ALG11: variants seen among roughly 807,000 people sequenced by gnomAD.
The protein encoded by ALG11 is GDP-Man:Man(3)GlcNAc(2)-PP-Dol alpha-1,2-mannosyltransferase.
Under a neutral mutation model 38.8 loss-of-function variants are expected in ALG11, and 26 were observed. That is an observed-to-expected ratio of 0.67 (90% CI 0.49 to 0.93). The LOEUF (loss-of-function observed/expected upper bound fraction) is 0.93. Ranked by LOEUF, ALG11 falls within the 40% of genes least tolerant of loss-of-function variation. The pLI is 0.00. For synonymous variants in ALG11, 199 were observed against 211.6 expected, an observed-to-expected ratio of 0.94 and a Z score of 0.52; for missense variants, 535 against 578.8, an observed-to-expected ratio of 0.92 and a Z score of 0.78.
At position 52,028,905 on chromosome 13, in the gene ALG11, G is replaced by A; in HGVS notation, c.*315G>A. ...CCCTTGAGTGAAAATGAAGATGAGG[G>A]GGACAGTGATGGAGAGAGAAAGCAT... On this transcript the variant is annotated 3_prime_UTR_variant, in exon 4 of 4. Coordinates refer to ENST00000521508, the MANE Select transcript of ALG11 (RefSeq NM_001004127.3). 6.2e-7 allele frequency: 1 copy of A among 1,614,170 alleles called. No individual in the cohort carries two copies. The highest frequency in any genetic ancestry group is 8.5e-7 in the Non-Finnish European group (1 of 1,180,034).
In ALG11 at chr13:52,031,188, C is replaced by A. The variant is rs1954300529; in HGVS notation, c.*2598C>A. 6.6e-7 allele frequency: 1 copy of A among 1,514,388 alleles called. No homozygotes were observed. Among genetic ancestry groups the A allele is most frequent in the African/African-American group, 1.4e-5 (1 of 71,684 alleles). 93.8% of individuals were successfully genotyped at this position (1,514,388 alleles called of 1,614,324 possible). ...TTTTACTCTGCTACAGGGTGGATTCCAAAACTGGCTCAGCACATTGCATGT... is the reference window on the plus strand; with the variant it reads ...TTTTACTCTGCTACAGGGTGGATTCAAAAACTGGCTCAGCACATTGCATGT... On this transcript the variant is annotated 3_prime_UTR_variant, in exon 4 of 4. Coordinates refer to ENST00000521508, the MANE Select transcript of ALG11 (RefSeq NM_001004127.3).
rs752238208 is a variant in ALG11 at position 52,028,305 on chromosome 13, G to A, written c.1208-14G>A. 1.2e-6 allele frequency: 2 copies of A among 1,613,630 alleles called. No homozygotes were observed. The highest frequency in any genetic ancestry group is 1.1e-5 in the South Asian group (1 of 91,064). On this transcript the variant is annotated splice_polypyrimidine_tract_variant and intron_variant, in intron 3 of 3. Transcript: ENST00000521508. ...AAACTTAAAAGATTACATGATTTGT[G>A]TTTTTTTTCTCAGGAGTTGTGGAGT...
At position 52,015,962 on chromosome 13, in the gene ALG11, T is replaced by A. The variant is rs151088690; in HGVS notation, c.45-2951T>A. ...AAGAAGCCAGGAAAATGTGGGAAAG[T>A]TTGGAACATCCTAGAGACTTGTTGA... On this transcript the variant is annotated intron_variant, in intron 1 of 3. Transcript: ENST00000521508. The A allele has an allele frequency of 5.8e-3, 885 of 152,610 alleles. 8 individuals are homozygous for A. Among genetic ancestry groups the A allele is most frequent in the Non-Finnish European group, 6.2e-3 (426 of 68,332 alleles). The allele number at this position is 152,610 out of a possible 1,614,324, so 9.5% of individuals were successfully genotyped here.
In ALG11 at chr13:52,028,392, G is replaced by A. The variant is rs763721498; in HGVS notation, c.1281G>A (p.Val427=). 6.2e-7 allele frequency: 1 copy of A among 1,614,096 alleles called. No individual in the cohort carries two copies. Among genetic ancestry groups the A allele is most frequent in the Non-Finnish European group, 8.5e-7 (1 of 1,180,018 alleles). ...CGGGGGGCCCAAAGCTTGACATTGTGGTTCCTCACGAAGGAGATATAACTG... is the reference window on the plus strand; with the variant it reads ...CGGGGGGCCCAAAGCTTGACATTGTAGTTCCTCACGAAGGAGATATAACTG... The part of the protein sequence containing the change: ...HNSGGPKLDI[V]VPHEGDITGF... Residue 427 remains valine (V), a synonymous_variant, in exon 4 of 4, where the codon GTG becomes GTA. Transcript: ENST00000521508.
Position 52,031,141 on chromosome 13 carries a change from G to A in ALG11, c.*2551G>A. On this transcript the variant is annotated 3_prime_UTR_variant, in exon 4 of 4. Coordinates refer to ENST00000521508, the MANE Select transcript of ALG11 (RefSeq NM_001004127.3). ...TGGAGAAGTGACAGTCAGGGGCCCT[G>A]ATTCCACTTCCTTTGGTCCAGTTTT... 1 of 1,570,700 alleles carries A rather than the reference G, an allele frequency of 6.4e-7. No homozygotes were observed.
intron 1 of ALG11, among the ~76,000 whole-genome samples, chr13:52,013,199 A>G (rs1401023326): frequency 6.6e-6 from 1 of 152,176 alleles, no homozygotes; most frequent in East Asian, 1.9e-4. Context: ...CTCCACTAAT[A>G]AAACAGAAGG....
At chr13:52,020,709 A>G (rs772465003) in intron 2 of ALG11, 10 of 152,158 alleles carry the variant, frequency 6.6e-5, no homozygotes, top group Non-Finnish European at 1.5e-4. Flanking sequence ...CTTGGAAGAT[A>G]CTTTTTCATC....
At chr13:52,023,456 G>A in intron 2 of ALG11, 1 of 151,874 alleles carries the variant, frequency 6.6e-6, no homozygotes, top group East Asian at 2.0e-4. Context: ...AAATTAGCCG[G>A]GCGTGGTGGT....
Position 52,030,469 on chromosome 13 carries a change from A to G in ALG11, c.*1879A>G. ...CTAAGGAGAAGAAAGAGAAGGAGCAACTGATCAACCTACAGAACTTCCTGA... is the reference window on the plus strand; with the variant it reads ...CTAAGGAGAAGAAAGAGAAGGAGCAGCTGATCAACCTACAGAACTTCCTGA... On this transcript the variant is annotated 3_prime_UTR_variant, in exon 4 of 4. Transcript: ENST00000521508. The G allele has an allele frequency of 6.2e-7, 1 of 1,614,250 alleles. No homozygotes were observed. The highest frequency in any genetic ancestry group is 8.5e-7 in the Non-Finnish European group (1 of 1,180,044).
At chr13:52,019,175 A>T in intron 2 of ALG11, 32 bp downstream of exon 2, 9 of 1,289,424 alleles carry the variant, frequency 7.0e-6, no homozygotes, top group South Asian at 1.2e-5. Context: ...CTAATTTGCT[A>T]TATTGTTCCA....
At chr13:52,014,508 T>TTTGGCAA (rs1386454675) in intron 1 of ALG11, among the ~76,000 whole-genome samples, 1 of 152,128 alleles carries the variant, frequency 6.6e-6, no homozygotes, top group Non-Finnish European at 1.5e-5. Flanking sequence ...ACATTTGGCA[T>TTTGGCAA]TTGGCAATAT....
chr13:52,031,406 T>C lies in ALG11; in HGVS notation c.*2816T>C, dbSNP rs1954303252. 1 of 351,460 alleles carries C rather than the reference T, an allele frequency of 2.8e-6. No homozygotes were observed. Among genetic ancestry groups the C allele is most frequent in the Non-Finnish European group, 5.4e-6 (1 of 185,920 alleles). 21.8% of individuals were successfully genotyped at this position (351,460 alleles called of 1,614,324 possible). A position where few individuals can be genotyped will look rare whatever the true frequency, so the allele number is the denominator to read the frequency against. ...TTTAAACAGACTTGTTTAATCGTGT[T>C]CTCAAAGCATACAGTCAAGAGGTGG... On this transcript the variant is annotated 3_prime_UTR_variant, in exon 4 of 4. Transcript: ENST00000521508.
rs1954296619 is a variant in ALG11, at chr13:52,030,865, A to G, written c.*2275A>G. On this transcript the variant is annotated 3_prime_UTR_variant, in exon 4 of 4. Coordinates refer to ENST00000521508, the MANE Select transcript of ALG11 (RefSeq NM_001004127.3). The stretch of plus-strand genomic sequence containing the variant: ...ATCAGGTACAAGTGCTTCCATATCC[A>G]TTTACCCACCATCGGCAATTTGAAA... 1.2e-6 allele frequency: 2 copies of G among 1,614,112 alleles called. No homozygotes were observed. The highest frequency in any genetic ancestry group is 8.5e-7 in the Non-Finnish European group (1 of 1,180,020).
At chr13:52,019,510 C>T (rs1050390166) in intron 2 of ALG11, among the ~76,000 whole-genome samples, 3 of 152,092 alleles carry the variant, frequency 2.0e-5, no homozygotes, top group Non-Finnish European at 2.9e-5. Flanking sequence ...TGTGAGCCAC[C>T]GTGCCCGGCC....
In ALG11 at chr13:52,030,208, A is replaced by G; in HGVS notation, c.*1618A>G. 6.2e-7 allele frequency: 1 copy of G among 1,614,192 alleles called. No individual in the cohort carries two copies. Among genetic ancestry groups the G allele is most frequent in the Non-Finnish European group, 8.5e-7 (1 of 1,180,040 alleles). On this transcript the variant is annotated 3_prime_UTR_variant, in exon 4 of 4. Coordinates refer to ENST00000521508, the MANE Select transcript of ALG11 (RefSeq NM_001004127.3). ...CACTATCTCAGAAATTGAAGGAAAA[A>G]CATCAGTCCAGGAAGCAAAAAGCAA...
chr13:52,027,886 T>C (rs1954257007), intron 3 of ALG11, among the ~76,000 whole-genome samples: 1 of 152,252 alleles, frequency 6.6e-6, no homozygotes, highest in Admixed American at 6.5e-5. Context: ...TAACATTCTC[T>C]AGTCTTCTTT....
At chr13:52,025,010 A>T in intron 3 of ALG11, 73 bp downstream of exon 3, 1 of 1,479,532 alleles carries the variant, frequency 6.8e-7, no homozygotes, top group Non-Finnish European at 9.3e-7. Flanking sequence ...TAAAATGATA[A>T]TACTCTGGAA....
chr13:52,030,065 G>A lies in ALG11; in HGVS notation c.*1475G>A. 1 of 1,614,210 alleles carries A rather than the reference G, an allele frequency of 6.2e-7. No homozygotes were observed. The highest frequency in any genetic ancestry group is 8.5e-7 in the Non-Finnish European group (1 of 1,180,044). On this transcript the variant is annotated 3_prime_UTR_variant, in exon 4 of 4. Transcript: ENST00000521508. ...GGCAGAGGAAGAAATTTTGTTGAGA[G>A]AATTTGAGGAAAGGCAATCCCTTAG...
rs1954160805 is a variant in ALG11, at chr13:52,019,038, A to G, written c.170A>G (p.Lys57Arg). 6.2e-7 allele frequency: 1 copy of G among 1,614,076 alleles called. No homozygotes were observed. The highest frequency in any genetic ancestry group is 8.5e-7 in the Non-Finnish European group (1 of 1,180,002). ...QRKKKLVSTSKNGKNQMVIAF... is the reference protein window; with the variant it reads ...QRKKKLVSTSRNGKNQMVIAF... The stretch of plus-strand genomic sequence containing the variant: ...AAGAAAAAATTAGTGTCAACTAGCA[A>G]AAATGGGAAAAATCAAATGGTGATT... The change falls in exon 2 of 4, where the codon AAA (lysine) becomes AGA (arginine). Residue 57 changes from lysine (K) to arginine (R), a missense_variant. Lys to Arg is a conservative substitution (Grantham distance 26). Coordinates refer to ENST00000521508, the MANE Select transcript of ALG11 (RefSeq NM_001004127.3).
Sources: allele counts gnomAD v4.1 joint callset (sites outside exome capture counted in the v4.1 genomes callset), GRCh38; gene constraint gnomAD v4.1.1; transcripts MANE v1.5; gene names NCBI Gene and HGNC (gene_info 2026-07-23, HGNC 2026-07-21).